Variants in LAMA5 observed in about 807,000 individuals in gnomAD.
The protein encoded by LAMA5 is laminin subunit alpha 5, also known as laminin subunit alpha-5.
Under a neutral mutation model 433.4 loss-of-function variants are expected in LAMA5, and 260 were observed. That is an observed-to-expected ratio of 0.60 (90% confidence interval 0.54 to 0.66). The LOEUF (loss-of-function observed/expected upper bound fraction) is 0.66, where lower values mean the gene tolerates loss of function less well. Ranked by LOEUF, LAMA5 falls within the 30% of genes least tolerant of loss-of-function variation. The pLI is 0.00. For synonymous variants in LAMA5, 2,620 were observed against 2,226.6 expected (o/e 1.18, Z -4.97); for missense variants, 5,378 against 5,258.5 (o/e 1.02, Z -0.70).
At chr20:62,356,943 C>T (rs1200277099) in intron 2 of LAMA5, among the ~76,000 whole-genome samples, 1 of 152,212 alleles carries the variant, frequency 6.6e-6, no homozygotes, top group East Asian at 1.9e-4. Context: ...GAAGGCAAAG[C>T]TGCGGAGGGG....
rs768063498 is a variant in LAMA5 at position 62,314,439 on chromosome 20, G to T, written c.8369C>A (p.Ala2790Asp). ...AGACACACCCATGTAGTCCCCAGTGGCCTGCGGCAGTGACAGACACACAGT... is the reference window on the plus strand; with the variant it reads ...AGACACACCCATGTAGTCCCCAGTGTCCTGCGGCAGTGACAGACACACAGT... ...RFVMYMGSRQ[A>D]TGDYMGVSLR... The change falls in exon 62 of 80, where the codon GCC (alanine) becomes GAC (aspartate). Residue 2790 changes from alanine to aspartate, a missense_variant and splice_region_variant. Coordinates refer to ENST00000252999, the MANE Select transcript of LAMA5 (RefSeq NM_005560.6). 3.1e-6 allele frequency: 5 copies of T among 1,613,190 alleles called. No individual in the cohort carries two copies. The East Asian group carries it at 1.1e-4, about 36-fold the overall frequency.
At position 62,328,423 on chromosome 20, in the gene LAMA5, G is replaced by A. The variant is rs1398704389; in HGVS notation, c.4470C>T (p.Leu1490=). Residue 1490 remains leucine (L), a synonymous_variant, in exon 35 of 80, where the codon CTC becomes CTT. Transcript: ENST00000252999. ...NCRPCDCGAR[L]CDELTGQCIC... ...TGCACTGGCCCGTGAGCTCGTCACA[G>A]AGGCGGGCACCGCAGTCACAGGCTG... is the stretch of plus-strand genomic sequence containing the variant. The A allele has an allele frequency of 6.6e-7, 1 of 1,515,580 alleles. No homozygotes were observed. The highest frequency in any genetic ancestry group is 8.9e-7 in the Non-Finnish European group (1 of 1,125,544). 93.9% of individuals were successfully genotyped at this position (1,515,580 alleles called of 1,614,324 possible).
chr20:62,312,243 C>G lies in LAMA5; in HGVS notation c.9434G>C (p.Gly3145Ala), dbSNP rs375325944. 9 of 1,610,920 alleles carry G rather than the reference C, an allele frequency of 5.6e-6. No individual in the cohort carries two copies. The highest frequency in any genetic ancestry group is 6.8e-6 in the Non-Finnish European group (8 of 1,179,386). ...LALSNVAPLTGNVYSGFGFHS... is the reference protein window; with the variant it reads ...LALSNVAPLTANVYSGFGFHS... ...GAAGCCGAAGCCGGAGTAGACGTTG[C>G]CAGTGAGCGGTGCCACGTTCGAGAG... The change falls in exon 69 of 80, where the codon GGC becomes GCC. Residue 3145 changes from glycine (G) to alanine (A), a missense_variant. Coordinates refer to ENST00000252999, the MANE Select transcript of LAMA5 (RefSeq NM_005560.6).
chr20:62,322,278 C>G lies in LAMA5; in HGVS notation c.6337G>C (p.Gly2113Arg). Residue 2113 changes from glycine (G) to arginine (R), a missense_variant, in exon 47 of 80, where the codon GGC becomes CGC. Physicochemically the swap from Gly to Arg is moderately radical, Grantham distance 125 (BLOSUM62 -2). Transcript: ENST00000252999. Reference protein sequence around the residue: ...APGYWGLPEQGCRRCQCPGGR... With the variant: ...APGYWGLPEQRCRRCQCPGGR... ...ACCGGCCAGCACTCACGCCTGCAGC[C>G]CTGCTCAGGGAGCCCCCAGTAGCCA... is the stretch of plus-strand genomic sequence containing the variant. 6.3e-7 allele frequency: 1 copy of G among 1,597,118 alleles called. No homozygotes were observed. The highest frequency in any genetic ancestry group is 8.5e-7 in the Non-Finnish European group (1 of 1,174,786).
chr20:62,326,887 C>A lies in LAMA5; in HGVS notation c.5192G>T (p.Ser1731Ile), dbSNP rs1234879998. 6.8e-6 allele frequency: 11 copies of A among 1,612,230 alleles called. No individual in the cohort carries two copies. The highest frequency in any genetic ancestry group is 7.6e-6 in the Non-Finnish European group (9 of 1,179,276). ...CACCTGCAGCACCACATCCGGCCTG[C>A]TCTCCATGGGGACAAAGACATCTCC... Reference protein sequence around the residue: ...QRGDVFVPMESRPDVVLQGNQ... With the variant: ...QRGDVFVPMEIRPDVVLQGNQ... Residue 1731 changes from serine to isoleucine, a missense_variant, in exon 39 of 80, where the codon AGC (serine) becomes ATC (isoleucine). Physicochemically the swap from Ser to Ile is moderately radical, Grantham distance 142 (BLOSUM62 -2). Coordinates refer to ENST00000252999, the MANE Select transcript of LAMA5 (RefSeq NM_005560.6).
rs931427766 is a variant in LAMA5, at chr20:62,316,295, A to G, written c.7757-237T>C. 5.2e-6 allele frequency: 3 copies of G among 576,684 alleles called. No homozygotes were observed. In the African/African-American group the frequency reaches 5.6e-5, roughly 11 times the overall value. 35.7% of individuals were successfully genotyped at this position (576,684 alleles called of 1,614,324 possible). A position where few individuals can be genotyped will look rare whatever the true frequency, so the allele number is the denominator to read the frequency against. ...CATAGCTGTCCCCATTGTACAGATG[A>G]AACAATAGAGGCTCAGAAGAGACAG... On this transcript the variant is annotated intron_variant, in intron 57 of 79. Transcript: ENST00000252999.
intron 4 of LAMA5, 44 bp from the exon 5 acceptor site, chr20:62,352,123 C>A (rs1032305616): frequency 1.1e-5 from 17 of 1,599,006 alleles, no homozygotes; most frequent in Non-Finnish European, 1.4e-5. Flanking sequence ...CTAGCCCCTG[C>A]TCAGCACTGC....
At position 62,357,982 on chromosome 20, in the gene LAMA5, C is replaced by T. The variant is rs772418969; in HGVS notation, c.450+4418G>A. On this transcript the variant is annotated intron_variant, in intron 2 of 79. Transcript: ENST00000252999. ...TGGAGATTATCCCAAGGGGACCCCT[C>T]GGCCTGAAACCCAAACAGTTTCGTC... 6.6e-5 allele frequency among the ~76,000 whole-genome samples: 10 copies of T among 152,376 alleles called. No homozygotes were observed. The South Asian group carries it at 1.2e-3, about 19-fold the overall frequency.
chr20:62,360,711 C>T lies in LAMA5; in HGVS notation c.450+1689G>A, dbSNP rs534751947. On this transcript the variant is annotated intron_variant, in intron 2 of 79. Transcript: ENST00000252999. ...CTTCCCAGGTGGAGTGGAAAGGGTT[C>T]CTCTTCCCTCCGTATCATTTTACAG... Among the ~76,000 whole-genome samples the T allele has an allele frequency of 5.2e-3, 748 of 143,308 alleles. 13 individuals carry two copies. Among genetic ancestry groups the T allele is most frequent in the African/African-American group, 0.018 (706 of 38,664 alleles). 94.0% of individuals were successfully genotyped at this position (143,308 alleles called of 152,430 possible).
rs1425156097 is a variant in LAMA5 at position 62,367,296 on chromosome 20, GGGAGCCCGGCGGGTCT to G, written c.-67_-52del. 1.8e-6 allele frequency: 2 copies of G among 1,126,398 alleles called. No homozygotes were observed. The highest frequency in any genetic ancestry group is 2.2e-6 in the Non-Finnish European group (2 of 920,132). The allele number at this position is 1,126,398 out of a possible 1,614,324, so 69.8% of individuals were successfully genotyped here. Reference sequence around the variant, plus strand: ...GAGCTCCAGGGACAGCGCGCGCGGCGGGAGCCCGGCGGGTCTGAAGCCAGGCGGCCGGCAGGGCTCG... The same window carrying G: ...GAGCTCCAGGGACAGCGCGCGCGGCGGAAGCCAGGCGGCCGGCAGGGCTCG... On this transcript the variant is annotated 5_prime_UTR_variant, in exon 1 of 80. Coordinates refer to ENST00000252999, the MANE Select transcript of LAMA5 (RefSeq NM_005560.6).
At chr20:62,332,521 C>T (rs1459308029) in intron 27 of LAMA5, 36 bp downstream of exon 27, 12 of 1,607,466 alleles carry the variant, frequency 7.5e-6, no homozygotes, top group East Asian at 4.5e-5. Context: ...CAGCCCCGGG[C>T]GTGCCCTTAC....
At chr20:62,333,294 G>C (rs1406460437) in intron 25 of LAMA5, 51 bp from the exon 26 acceptor site, 2 of 1,585,830 alleles carry the variant, frequency 1.3e-6, no homozygotes, top group Admixed American at 3.4e-5. Flanking sequence ...GGTCCCCAGA[G>C]ACAGCCTGAG....
Position 62,309,408 on chromosome 20 carries a change from C to A in LAMA5, c.11016G>T (p.Arg3672=). ...CGCMRRLAVN[R]SPVAMTRSVE... ...CAGAGCGAGTCATGGCGACGGGGGACCGGTTCACCGCCAGCCTCCTCATGC... is the reference window on the plus strand; with the variant it reads ...CAGAGCGAGTCATGGCGACGGGGGAACGGTTCACCGCCAGCCTCCTCATGC... The change falls in exon 80 of 80, where the codon CGG becomes CGT. Residue 3672 remains arginine (R), a synonymous_variant. Transcript: ENST00000252999. 2 of 1,585,974 alleles carry A rather than the reference C, an allele frequency of 1.3e-6. No homozygotes were observed.
Position 62,323,516 on chromosome 20 carries a change from G to A in LAMA5, c.6004C>T (p.Arg2002Cys), listed in dbSNP as rs372472683. Residue 2002 changes from arginine to cysteine, a missense_variant, in exon 45 of 80, where the codon CGC becomes TGC. Transcript: ENST00000252999. Reference sequence around the variant, plus strand: ...AAGCCGGGGGCACAGATCTCGCAGCGGGGCCCAGTGGTGTGGCGCAGGCAG... The same window carrying A: ...AAGCCGGGGGCACAGATCTCGCAGCAGGGCCCAGTGGTGTGGCGCAGGCAG... Reference protein sequence around the residue: ...RGCLRHTTGPRCEICAPGFYG... With the variant: ...RGCLRHTTGPCCEICAPGFYG... 1.3e-5 allele frequency: 20 copies of A among 1,570,758 alleles called. No individual in the cohort carries two copies. Among genetic ancestry groups the A allele is most frequent in the Non-Finnish European group, 1.4e-5 (16 of 1,161,040 alleles).
chr20:62,315,353 A>G (rs1986827832), intron 58 of LAMA5, 146 bp from the exon 59 acceptor site: 4 of 668,860 alleles, frequency 6.0e-6, no homozygotes, highest in Non-Finnish European at 9.8e-6. Flanking sequence ...GCTCAGTGCA[A>G]TCCAAACCCA....
chr20:62,322,616 C>A, intron 46 of LAMA5, 42 bp downstream of exon 46: 1 of 1,455,336 alleles, frequency 6.9e-7, no homozygotes, highest in African/African-American at 1.4e-5. Flanking sequence ...ACTCTAGTCC[C>A]TAGGCCCCAC....
In LAMA5 at chr20:62,336,295, T is replaced by A. The variant is rs372599489; in HGVS notation, c.2323+45A>T. The A allele has an allele frequency of 5.1e-6, 7 of 1,371,740 alleles. No individual in the cohort carries two copies. In the African/African-American group the frequency reaches 1.0e-4, roughly 20 times the overall value. 85.0% of individuals were successfully genotyped at this position (1,371,740 alleles called of 1,614,324 possible). On this transcript the variant is annotated intron_variant, in intron 18 of 79. Transcript: ENST00000252999. ...CTCCAGGATATACTTGTGGGCACAG[T>A]TCCCCAAGGAACCCCTGTACCCCAA...
intron 25 of LAMA5, 51 bp downstream of exon 25, chr20:62,333,324 T>C (rs757707438): frequency 1.2e-6 from 2 of 1,601,860 alleles, no homozygotes; most frequent in African/African-American, 2.7e-5. Context: ...CCAGGCACAG[T>C]GGGGGTCCAG....
chr20:62,346,707 C>A lies in LAMA5; in HGVS notation c.1166G>T (p.Gly389Val). 1 of 1,613,340 alleles carries A rather than the reference C, an allele frequency of 6.2e-7. No individual in the cohort carries two copies. The highest frequency in any genetic ancestry group is 8.5e-7 in the Non-Finnish European group (1 of 1,179,926). Reference protein sequence around the residue: ...ASQSLDGTYQGGGVCIDCQHH... With the variant: ...ASQSLDGTYQVGGVCIDCQHH... ...CTGGCAGTCGATACAGACACCCCCA[C>A]CCTGATAGGTGCCATCCAGGCTCTG... The change falls in exon 8 of 80, where the codon GGT becomes GTT. Residue 389 changes from glycine (G) to valine (V), a missense_variant. Physicochemically the swap from Gly to Val is moderately radical, Grantham distance 109 (BLOSUM62 -3). Coordinates refer to ENST00000252999, the MANE Select transcript of LAMA5 (RefSeq NM_005560.6).
Sources: allele counts gnomAD v4.1 joint callset (sites outside exome capture counted in the v4.1 genomes callset), GRCh38; gene constraint gnomAD v4.1.1; transcripts MANE v1.5; gene names NCBI Gene and HGNC (gene_info 2026-07-23, HGNC 2026-07-21).